PLPPR5: variants seen among roughly 807,000 people sequenced by gnomAD.
PLPPR5 encodes phospholipid phosphatase-related protein type 5.
Under a neutral mutation model 33.9 loss-of-function variants are expected in PLPPR5, and 16 were observed. That is an observed-to-expected ratio of 0.47 (90% CI 0.32 to 0.72). The LOEUF is 0.72. Among genes scored for constraint, PLPPR5 ranks in the 30% least tolerant of loss-of-function variants. The probability of loss-of-function intolerance (pLI) is 0.03; values close to 1 mark genes in which losing one functional copy is unlikely to be tolerated. For missense variants in PLPPR5, 301 were observed against 406.7 expected, an observed-to-expected ratio of 0.74 and a Z score of 2.23; for synonymous variants, 163 against 150.3, an observed-to-expected ratio of 1.08 and a Z score of -0.62.
intron 5 of PLPPR5, among the ~76,000 whole-genome samples, chr1:98,913,034 G>A (rs1312382904): frequency 2.6e-5 from 4 of 151,926 alleles, no homozygotes; most frequent in East Asian, 1.9e-4. Flanking sequence ...CATTTTCAGA[G>A]TTTTTTCTTC....
chr1:98,907,764 T>C (rs1416719455), intron 5 of PLPPR5, among the ~76,000 whole-genome samples: 3 of 152,162 alleles, frequency 2.0e-5, no homozygotes, highest in African/African-American at 7.2e-5. Flanking sequence ...TCTGAATGGA[T>C]TGTGAGAAGC....
rs868706273 is a variant in PLPPR5 at position 98,983,657 on chromosome 1, C to G, written c.237+20778G>C. Reference sequence around the variant, plus strand: ...TTGTAGTTCTAGATCCCTGAGGAATCGCCACACTGACTTCCACAATGGTTG... The same window carrying G: ...TTGTAGTTCTAGATCCCTGAGGAATGGCCACACTGACTTCCACAATGGTTG... On this transcript the variant is annotated intron_variant, in intron 1 of 5. Transcript: ENST00000263177. Among the ~76,000 whole-genome samples, 652 of 146,750 alleles carry G rather than the reference C, an allele frequency of 4.4e-3. 5 individuals carry two copies. The highest frequency in any genetic ancestry group is 7.8e-3 in the Non-Finnish European group (512 of 65,918).
chr1:98,940,677 T>C (rs1650339658), intron 3 of PLPPR5, among the ~76,000 whole-genome samples: 1 of 151,872 alleles, frequency 6.6e-6, no homozygotes. Context: ...AAAAGAATTA[T>C]GTTAGGAAGC....
intron 3 of PLPPR5, among the ~76,000 whole-genome samples, chr1:98,930,635 T>C (rs1203383028): frequency 6.6e-6 from 1 of 152,144 alleles, no homozygotes; most frequent in Non-Finnish European, 1.5e-5. Flanking sequence ...TCAATACATA[T>C]AACTAATATT....
chr1:98,906,309 T>C (rs1053757472), intron 5 of PLPPR5, among the ~76,000 whole-genome samples: 2 of 151,372 alleles, frequency 1.3e-5, no homozygotes, highest in Non-Finnish European at 2.9e-5. Context: ...ATATATATAC[T>C]GTATAACAAC....
At chr1:98,995,715 C>T (rs1652608748) in intron 1 of PLPPR5, among the ~76,000 whole-genome samples, 1 of 152,118 alleles carries the variant, frequency 6.6e-6, no homozygotes, top group African/African-American at 2.4e-5. Flanking sequence ...GAACTAAAAA[C>T]TTCTCAAGGA....
chr1:98,954,184 G>A (rs1650916857), intron 2 of PLPPR5, among the ~76,000 whole-genome samples: 1 of 152,036 alleles, frequency 6.6e-6, no homozygotes. Context: ...GGTTATTATT[G>A]TTAAAACTTA....
chr1:98,944,117 T>C (rs530206656), intron 3 of PLPPR5, among the ~76,000 whole-genome samples: 10 of 152,320 alleles, frequency 6.6e-5, no homozygotes, highest in African/African-American at 2.2e-4. Flanking sequence ...GTAAGACACA[T>C]GCATTCCAGA....
intron 4 of PLPPR5, among the ~76,000 whole-genome samples, chr1:98,917,214 C>T (rs1649389487): frequency 6.6e-6 from 1 of 152,180 alleles, no homozygotes; most frequent in Non-Finnish European, 1.5e-5. Flanking sequence ...ATCCTTTACA[C>T]CTCTTATACT....
chr1:98,922,751 C>T (rs1032544162), intron 3 of PLPPR5, among the ~76,000 whole-genome samples: 1 of 151,982 alleles, frequency 6.6e-6, no homozygotes, highest in South Asian at 2.1e-4. Context: ...TTTGGGAGGC[C>T]GAGGCGGGCA....
At chr1:98,921,150 A>T (rs1184369986) in intron 4 of PLPPR5, among the ~76,000 whole-genome samples, 2 of 152,246 alleles carry the variant, frequency 1.3e-5, no homozygotes, top group Non-Finnish European at 2.9e-5. Flanking sequence ...TTCTAAAGTC[A>T]GACTAAAATA....
rs774078555 is a variant in PLPPR5, at chr1:99,004,507, C to T, written c.165G>A (p.Pro55=). The change falls in exon 1 of 6, where the codon CCG becomes CCA. Residue 55 remains proline (P), a synonymous_variant. Coordinates refer to ENST00000263177, the MANE Select transcript of PLPPR5 (RefSeq NM_001037317.2). Reference sequence around the variant, plus strand: ...GCACGGCGCTGCTGTCCTCCGGGCCCGGGTAGGGTTTGCGGTAGGCGCTGT... The same window carrying T: ...GCACGGCGCTGCTGTCCTCCGGGCCTGGGTAGGGTTTGCGGTAGGCGCTGT... ...CHDSAYRKPY[P]GPEDSSAVPP... is the part of the protein sequence containing the mutation. 3.7e-6 allele frequency: 6 copies of T among 1,613,124 alleles called. No homozygotes were observed. The South Asian group carries it at 5.5e-5, about 15-fold the overall frequency.
chr1:98,923,315 C>A (rs528091737), intron 3 of PLPPR5, among the ~76,000 whole-genome samples: 1 of 152,112 alleles, frequency 6.6e-6, no homozygotes, highest in Non-Finnish European at 1.5e-5. Context: ...ATAATATAAT[C>A]AGATTTTATG....
intron 5 of PLPPR5, among the ~76,000 whole-genome samples, chr1:98,911,883 C>CT (rs1378329491): frequency 6.6e-6 from 1 of 152,054 alleles, no homozygotes; most frequent in African/African-American, 2.4e-5. Flanking sequence ...TCTCAGCCTC[C>CT]TGAGTCTCTA....
chr1:98,900,426 T>G, intron 5 of PLPPR5, among the ~76,000 whole-genome samples: 1 of 152,142 alleles, frequency 6.6e-6, no homozygotes, highest in Non-Finnish European at 1.5e-5. Flanking sequence ...AGTATAGCCA[T>G]CATCATCTTC....
At chr1:98,896,473 A>G (rs767261635) in intron 5 of PLPPR5, among the ~76,000 whole-genome samples, 6 of 152,134 alleles carry the variant, frequency 3.9e-5, no homozygotes, top group Non-Finnish European at 7.4e-5. Flanking sequence ...CATGAGAAGA[A>G]ACTGGTCATA....
At chr1:99,003,417 C>T (rs1652943456) in intron 1 of PLPPR5, among the ~76,000 whole-genome samples, 2 of 151,812 alleles carry the variant, frequency 1.3e-5, no homozygotes, top group South Asian at 4.2e-4. Flanking sequence ...TCTTATTTCC[C>T]GTTTGTTATC....
At chr1:98,938,692 G>T (rs577807830) in intron 3 of PLPPR5, among the ~76,000 whole-genome samples, 1 of 151,930 alleles carries the variant, frequency 6.6e-6, no homozygotes. Context: ...ATGAAGTTCT[G>T]CCCGGTTCAC....
chr1:98,980,255 T>A (rs975545885), intron 1 of PLPPR5, among the ~76,000 whole-genome samples: 1 of 152,122 alleles, frequency 6.6e-6, no homozygotes, highest in Non-Finnish European at 1.5e-5. Flanking sequence ...GTTCTTGCCA[T>A]GCCATTAACA....
Sources: allele counts gnomAD v4.1 joint callset (sites outside exome capture counted in the v4.1 genomes callset), GRCh38; gene constraint gnomAD v4.1.1; transcripts MANE v1.5; gene names NCBI Gene and HGNC (gene_info 2026-07-23, HGNC 2026-07-21).